The following NEXMIF variants were observed in gnomAD, a reference collection of about 807,000 sequenced individuals.
NEXMIF encodes XLMR protein related to neurite extension.
In NEXMIF, 8 loss-of-function variants were observed where a neutral mutation model predicts 62.1. The ratio of observed to expected loss-of-function variants is 0.13; its 90% CI spans 0.08 to 0.23. The LOEUF (loss-of-function observed/expected upper bound fraction) is 0.23, where lower values mean the gene tolerates loss of function less well. NEXMIF is among the 10% of genes least tolerant of loss of function. The pLI is 1.00. For synonymous variants in NEXMIF, 404 were observed against 416.6 expected, an observed-to-expected ratio of 0.97 and a Z score of 0.37; for missense variants, 976 against 1,113.3, an observed-to-expected ratio of 0.88 and a Z score of 1.75.
chrX:74,783,732 C>G (rs2080252964), intron 1 of NEXMIF, among the ~76,000 whole-genome samples: 1 of 111,660 alleles, frequency 9.0e-6, no homozygotes, highest in African/African-American at 3.3e-5. Context: ...ATAAAGCAGA[C>G]AAAGAGGCTT....
Position 74,735,793 on chromosome X carries a change from C to A in NEXMIF, c.*3612G>T, listed in dbSNP as rs756307680. 4.5e-5 allele frequency: 5 copies of A among 111,866 alleles called. No individual in the cohort carries two copies. Among genetic ancestry groups the A allele is most frequent in the Non-Finnish European group, 7.5e-5 (4 of 53,152 alleles). 9.2% of individuals were successfully genotyped at this position (111,866 alleles called of 1,213,427 possible). ...GTCAGAAGGGAAAGCTGGGAGGAAG[C>A]AGCATATGTGAAGAAGCTGGTATAA... On this transcript the variant is annotated 3_prime_UTR_variant, in exon 4 of 4. Transcript: ENST00000055682.
At chrX:74,838,585 C>T (rs1170113992) in intron 1 of NEXMIF, among the ~76,000 whole-genome samples, 4 of 112,387 alleles carry the variant, frequency 3.6e-5, no homozygotes, top group African/African-American at 1.3e-4. Context: ...GTGCTATTAA[C>T]AACATATGGT....
At chrX:74,903,954 T>A (rs1291878665) in intron 1 of NEXMIF, among the ~76,000 whole-genome samples, 1 of 108,707 alleles carries the variant, frequency 9.2e-6, no homozygotes, top group Non-Finnish European at 1.9e-5. Flanking sequence ...ATGGATGTCT[T>A]GCCTCTCATA....
At chrX:74,876,235 C>T (rs932975769) in intron 1 of NEXMIF, among the ~76,000 whole-genome samples, 2 of 111,099 alleles carry the variant, frequency 1.8e-5, no homozygotes, top group African/African-American at 3.3e-5. Context: ...TTTCTGCCTT[C>T]GTTTCATTAT....
At chrX:74,744,693 C>T (rs766216465) in intron 2 of NEXMIF, among the ~76,000 whole-genome samples, 9 of 111,462 alleles carry the variant, frequency 8.1e-5, no homozygotes, top group Non-Finnish European at 1.7e-4. Flanking sequence ...TTATTTAGGC[C>T]GAGTTTCTTC....
intron 1 of NEXMIF, among the ~76,000 whole-genome samples, chrX:74,880,847 T>TC (rs1287830412): frequency 8.9e-6 from 1 of 111,990 alleles, no homozygotes; most frequent in Non-Finnish European, 1.9e-5. Flanking sequence ...CACTGCTCTC[T>TC]CCTTAGATCC....
At chrX:74,764,134 T>A (rs1407944283) in intron 1 of NEXMIF, among the ~76,000 whole-genome samples, 1 of 111,885 alleles carries the variant, frequency 8.9e-6, no homozygotes. Context: ...TATTTTGAGA[T>A]ATGTCCCATC....
Position 74,743,982 on chromosome X carries a change from T to C in NEXMIF, c.575A>G (p.Asn192Ser). 8.3e-7 allele frequency: 1 copy of C among 1,211,331 alleles called. No individual in the cohort carries two copies. The change falls in exon 3 of 4, where the codon AAT becomes AGT. Residue 192 changes from asparagine (N) to serine (S), a missense_variant. By Grantham distance (46) the Asn-to-Ser change is conservative. Transcript: ENST00000055682. ...GAGCAGCTGCTCTCCATATTTCATA[T>C]TTTCTCCAGCATTAATACACTGAAT... Reference protein sequence around the residue: ...IGIQCINAGENMKYGEQLLSD... With the variant: ...IGIQCINAGESMKYGEQLLSD...
intron 1 of NEXMIF, among the ~76,000 whole-genome samples, chrX:74,890,987 C>T (rs937059037): frequency 8.9e-6 from 1 of 111,801 alleles, no homozygotes; most frequent in Non-Finnish European, 1.9e-5. Context: ...TGGCTTTGAT[C>T]TGACAGTCTC....
chrX:74,796,173 A>ATATATATACATATATAT (rs1569345134), intron 1 of NEXMIF, among the ~76,000 whole-genome samples: 1 of 72,804 alleles, frequency 1.4e-5, no homozygotes, highest in Non-Finnish European at 2.4e-5. Context: ...TATATATATT[A>ATATATATACATATATAT]TATATATACA....
At chrX:74,779,911 A>T (rs916746689) in intron 1 of NEXMIF, among the ~76,000 whole-genome samples, 2 of 111,775 alleles carry the variant, frequency 1.8e-5, no homozygotes, top group Admixed American at 1.9e-4. Flanking sequence ...TTGCTGCTTG[A>T]TTCCCTCAAA....
At position 74,808,893 on chromosome X, in the gene NEXMIF, T is replaced by C. The variant is rs143400007; in HGVS notation, c.-47-63196A>G. Among the ~76,000 whole-genome samples, 472 of 112,255 alleles carry C rather than the reference T, an allele frequency of 4.2e-3. 1 individual carries two copies. Among genetic ancestry groups the C allele is most frequent in the African/African-American group, 0.015 (454 of 30,922 alleles). ...TTTTTGCATGCTATGATTTCAATGC[T>C]TTTGTTCCTTCCAAAATGCATGTGT... is the stretch of plus-strand genomic sequence containing the variant. On this transcript the variant is annotated intron_variant, in intron 1 of 3. Transcript: ENST00000055682.
chrX:74,811,397 T>A (rs974998209), intron 1 of NEXMIF, among the ~76,000 whole-genome samples: 1 of 112,112 alleles, frequency 8.9e-6, no homozygotes, highest in African/African-American at 3.2e-5. Context: ...CATAAGAACA[T>A]AAGAAAACGT....
intron 1 of NEXMIF, among the ~76,000 whole-genome samples, chrX:74,822,926 C>A (rs1053572085): frequency 2.7e-5 from 3 of 111,741 alleles, no homozygotes; most frequent in Non-Finnish European, 5.6e-5. Flanking sequence ...GCATTTTTCA[C>A]AATAGCCAAA....
chrX:74,839,690 T>A (rs1197446283), intron 1 of NEXMIF, among the ~76,000 whole-genome samples: 3 of 112,242 alleles, frequency 2.7e-5, no homozygotes, highest in African/African-American at 9.7e-5. Flanking sequence ...CCTGCGTTAG[T>A]TTGCTAAGAA....
intron 1 of NEXMIF, among the ~76,000 whole-genome samples, chrX:74,804,335 A>C (rs961975628): frequency 8.9e-6 from 1 of 112,205 alleles, no homozygotes; most frequent in African/African-American, 3.2e-5. Flanking sequence ...CAAGTAAAAG[A>C]AGTCTCTTCC....
At chrX:74,763,709 A>AT (rs2080185028) in intron 1 of NEXMIF, among the ~76,000 whole-genome samples, 1 of 38,194 alleles carries the variant, frequency 2.6e-5, no homozygotes, top group African/African-American at 6.2e-5. Flanking sequence ...ATTCCTAGGT[A>AT]TTTTGTTCTC....
rs140561380 is a variant in NEXMIF, at chrX:74,802,460, C to T, written c.-47-56763G>A. ...TCTTTCAGATTCTTATTCAAGATCA[C>T]CAAGGCGGTACCTCTAAGAGTCTGC... On this transcript the variant is annotated intron_variant, in intron 1 of 3. Coordinates refer to ENST00000055682, the MANE Select transcript of NEXMIF (RefSeq NM_001008537.3). 5.7e-3 allele frequency among the ~76,000 whole-genome samples: 635 copies of T among 111,135 alleles called. 3 individuals are homozygous for T. Among genetic ancestry groups the T allele is most frequent in the African/African-American group, 0.02 (609 of 30,530 alleles).
At chrX:74,812,897 C>T (rs980997172) in intron 1 of NEXMIF, among the ~76,000 whole-genome samples, 3 of 111,815 alleles carry the variant, frequency 2.7e-5, no homozygotes, top group Admixed American at 9.5e-5. Flanking sequence ...GCAACTGCAG[C>T]CTTTTCTCCT....
Sources: allele counts gnomAD v4.1 joint callset (sites outside exome capture counted in the v4.1 genomes callset), GRCh38; gene constraint gnomAD v4.1.1; transcripts MANE v1.5; gene names NCBI Gene and HGNC (gene_info 2026-07-23, HGNC 2026-07-21).